FYN: variants seen among roughly 807,000 people sequenced by gnomAD.
FYN encodes the protein FYN proto-oncogene, Src family tyrosine kinase, also known as tyrosine-protein kinase Fyn.
FYN carries 10 observed loss-of-function variants against 70.2 expected under a neutral mutation model. The ratio of observed to expected loss-of-function variants is 0.14; its 90% CI spans 0.09 to 0.24. The LOEUF is 0.24. FYN is among the 10% of genes least tolerant of loss of function. FYN has a pLI of 1.00. For synonymous variants in FYN, 236 were observed against 248.6 expected (o/e 0.95, Z 0.48); for missense variants, 319 against 673.1 (o/e 0.47, Z 5.82).
At chr6:111,732,091 T>C (rs1199223085) in intron 3 of FYN, among the ~76,000 whole-genome samples, 2 of 152,152 alleles carry the variant, frequency 1.3e-5, no homozygotes, top group Non-Finnish European at 2.9e-5. Context: ...ATGTGCTACA[T>C]GGGCTAGACC....
At chr6:111,842,389 CA>C (rs1272309134) in intron 2 of FYN, among the ~76,000 whole-genome samples, 6 of 152,200 alleles carry the variant, frequency 3.9e-5, no homozygotes, top group Non-Finnish European at 5.9e-5. Flanking sequence ...CATGCCCACT[CA>C]GGAAGCAATG....
At chr6:111,847,638 T>C (rs1387711663) in intron 1 of FYN, among the ~76,000 whole-genome samples, 1 of 152,134 alleles carries the variant, frequency 6.6e-6, no homozygotes, top group Non-Finnish European at 1.5e-5. Context: ...TGATAAGTTA[T>C]TATTCCCATC....
chr6:111,792,522 T>C (rs1293257864), intron 2 of FYN, among the ~76,000 whole-genome samples: 1 of 152,208 alleles, frequency 6.6e-6, no homozygotes, highest in Non-Finnish European at 1.5e-5. Flanking sequence ...AGAATGATCC[T>C]ACCAGTACTA....
chr6:111,695,340 T>C (rs1431409294), intron 10 of FYN, among the ~76,000 whole-genome samples: 1 of 152,184 alleles, frequency 6.6e-6, no homozygotes, highest in Non-Finnish European at 1.5e-5. Flanking sequence ...GGGCAGATGG[T>C]TCCCCTTAAT....
At chr6:111,686,785 C>T (rs1349565025) in intron 12 of FYN, among the ~76,000 whole-genome samples, 2 of 152,082 alleles carry the variant, frequency 1.3e-5, no homozygotes, top group African/African-American at 2.4e-5. Flanking sequence ...CATCTCACGG[C>T]GAGATCAGCC....
chr6:111,836,680 A>G (rs1312391255), intron 2 of FYN, among the ~76,000 whole-genome samples: 3 of 152,142 alleles, frequency 2.0e-5, no homozygotes, highest in African/African-American at 4.8e-5. Context: ...AGGTGGGAGG[A>G]TCGCCCAGGA....
chr6:111,719,621 G>T, intron 4 of FYN, 184 bp downstream of exon 4: 2 of 676,450 alleles, frequency 3.0e-6, no homozygotes, highest in Non-Finnish European at 4.8e-6. Flanking sequence ...CTGTAGCCAA[G>T]CATTTTGTTT....
At chr6:111,722,957 G>A (rs887019675) in intron 3 of FYN, among the ~76,000 whole-genome samples, 1 of 152,192 alleles carries the variant, frequency 6.6e-6, no homozygotes, top group Non-Finnish European at 1.5e-5. Flanking sequence ...AGGCGAACAG[G>A]CATGTTAGGT....
chr6:111,673,785 A>G (rs947990883), intron 13 of FYN, among the ~76,000 whole-genome samples: 1 of 152,194 alleles, frequency 6.6e-6, no homozygotes, highest in Non-Finnish European at 1.5e-5. Context: ...GTGAAATGGC[A>G]TGGGTGTCCT....
chr6:111,766,530 C>G (rs1183876312), intron 3 of FYN, among the ~76,000 whole-genome samples: 1 of 152,188 alleles, frequency 6.6e-6, no homozygotes, highest in African/African-American at 2.4e-5. Flanking sequence ...CATTCTCACA[C>G]TGCTAATAAA....
intron 12 of FYN, among the ~76,000 whole-genome samples, chr6:111,683,923 T>G (rs2237257): frequency 0.19 from 28,566 of 152,064 alleles, 3,544 homozygotes; most frequent in African/African-American, 0.35. Flanking sequence ...ACTCAGAATT[T>G]TCACACTAGG....
At position 111,742,490 on chromosome 6, in the gene FYN, T is replaced by C. The variant is rs192031299; in HGVS notation, c.-11-22428A>G. ...CATTAACATGATATTCAGCAACTTC[T>C]AACCCCAAAACCCCAGAGTAAAGAT... is the stretch of plus-strand genomic sequence containing the variant. On this transcript the variant is annotated intron_variant, in intron 3 of 13. Transcript: ENST00000354650. 8.1e-4 allele frequency among the ~76,000 whole-genome samples: 124 copies of C among 152,344 alleles called. 1 individual carries two copies. Among genetic ancestry groups the C allele is most frequent in the African/African-American group, 2.9e-3 (119 of 41,578 alleles).
intron 3 of FYN, among the ~76,000 whole-genome samples, chr6:111,734,051 C>T (rs1394185622): frequency 1.3e-5 from 2 of 152,270 alleles, no homozygotes; most frequent in East Asian, 3.9e-4. Flanking sequence ...CGTGCTACTA[C>T]ACTCCAGCCT....
intron 3 of FYN, among the ~76,000 whole-genome samples, chr6:111,774,036 T>C (rs890978497): frequency 6.6e-6 from 1 of 152,244 alleles, no homozygotes; most frequent in African/African-American, 2.4e-5. Context: ...GATGCGAGGC[T>C]GTGGGCCGAG....
At chr6:111,703,849 G>C in intron 7 of FYN, 150 bp downstream of exon 7, 1 of 627,568 alleles carries the variant, frequency 1.6e-6, no homozygotes, top group Non-Finnish European at 2.8e-6. Flanking sequence ...TTAGAGCCTG[G>C]AGGGAAGACT....
intron 12 of FYN, among the ~76,000 whole-genome samples, chr6:111,693,077 A>G (rs769453317): frequency 1.3e-5 from 2 of 152,208 alleles, no homozygotes; most frequent in African/African-American, 2.4e-5. Context: ...CATGTAATTC[A>G]GCATTTGGAC....
In FYN at chr6:111,661,562, C is replaced by G; in HGVS notation, c.*177G>C. ...TCTCGAATGCTTCACAGAGGAGGTT[C>G]GGATTTGGGGACAAGTGTCATTAAT... On this transcript the variant is annotated 3_prime_UTR_variant, in exon 14 of 14. Coordinates refer to ENST00000354650, the MANE Select transcript of FYN (RefSeq NM_002037.5). This position sits in a 1 kb window ranked among gnomAD's most constrained non-coding sequence, Gnocchi z 4.0. 1.6e-6 allele frequency: 1 copy of G among 606,672 alleles called. No homozygotes were observed. The highest frequency in any genetic ancestry group is 2.1e-5 in the South Asian group (1 of 48,150). The allele number at this position is 606,672 out of a possible 1,614,324, so 37.6% of individuals were successfully genotyped here.
At chr6:111,697,672 C>T (rs553437810) in intron 9 of FYN, among the ~76,000 whole-genome samples, 2 of 152,256 alleles carry the variant, frequency 1.3e-5, no homozygotes, top group South Asian at 4.1e-4. Context: ...AGTCAGCACC[C>T]AAAATTCTAA....
chr6:111,828,905 T>G (rs1432041567), intron 2 of FYN, among the ~76,000 whole-genome samples: 3 of 152,176 alleles, frequency 2.0e-5, no homozygotes, highest in African/African-American at 7.2e-5. Context: ...GGCATGTGTT[T>G]TACCACAATT....
Sources: allele counts gnomAD v4.1 joint callset (sites outside exome capture counted in the v4.1 genomes callset), GRCh38; gene constraint gnomAD v4.1.1; non-coding constraint Gnocchi (gnomAD v3.1); transcripts MANE v1.5; gene names NCBI Gene and HGNC (gene_info 2026-07-23, HGNC 2026-07-21).